NRTN: variants seen among roughly 807,000 people sequenced by gnomAD.
NRTN encodes neurturin.
A neutral mutation model predicts 7.5 loss-of-function variants in NRTN; 3 were observed. That is an observed-to-expected ratio of 0.40 (90% CI 0.18 to 1.03). NRTN has a LOEUF of 1.03. Among genes scored for constraint, NRTN ranks in the 50% least tolerant of loss-of-function variants. The pLI, the probability that NRTN is intolerant of heterozygous loss-of-function variation, is 0.34. For synonymous variants in NRTN, 157 were observed against 146.6 expected, an observed-to-expected ratio of 1.07 and a Z score of -0.51; for missense variants, 310 against 307.0, an observed-to-expected ratio of 1.01 and a Z score of -0.07.
Position 5,828,028 on chromosome 19 carries a change from A to AGCGGCGGCGCCT in NRTN, c.457_468dup (p.Arg153_Arg156dup), listed in dbSNP as rs1327251299. Reference sequence around the variant, plus strand: ...GACCTCGGGCTGCGACGACTGCGCCAGCGGCGGCGCCTGCGGCGGGAGCGG... The same window carrying AGCGGCGGCGCCT: ...GACCTCGGGCTGCGACGACTGCGCCAGCGGCGGCGCCTGCGGCGGCGCCTGCGGCGGGAGCGG... On this transcript the variant is annotated inframe_insertion, in exon 3 of 3. Coordinates refer to ENST00000303212, the MANE Select transcript of NRTN (RefSeq NM_004558.5). 81 of 1,420,296 alleles carry AGCGGCGGCGCCT rather than the reference A, an allele frequency of 5.7e-5. No homozygotes were observed. Among genetic ancestry groups the AGCGGCGGCGCCT allele is most frequent in the Non-Finnish European group, 7.0e-5 (77 of 1,095,580 alleles). The allele number at this position is 1,420,296 out of a possible 1,614,324, so 88.0% of individuals were successfully genotyped here. A position where few individuals can be genotyped will look rare whatever the true frequency, so the allele number is the denominator to read the frequency against.
intron 1 of NRTN, among the ~76,000 whole-genome samples, chr19:5,810,255 G>T (rs1599633928): frequency 7.4e-6 from 1 of 135,446 alleles, no homozygotes; most frequent in Admixed American, 7.7e-5. Context: ...GACAGAGCAA[G>T]ACTCTGTCTC....
At chr19:5,818,416 ATGAG>A (rs1388468660) in intron 1 of NRTN, among the ~76,000 whole-genome samples, 1 of 152,046 alleles carries the variant, frequency 6.6e-6, no homozygotes, top group Non-Finnish European at 1.5e-5. Flanking sequence ...CTGGGTGTGA[ATGAG>A]TGTGAGTGGG....
chr19:5,821,649 G>A (rs150526942), intron 1 of NRTN, among the ~76,000 whole-genome samples: 1 of 91,150 alleles, frequency 1.1e-5, no homozygotes, highest in Non-Finnish European at 2.6e-5. Flanking sequence ...TCATCATTCA[G>A]CAAATGTCTA....
chr19:5,810,548 G>C (rs78998106), intron 1 of NRTN, among the ~76,000 whole-genome samples: 6,387 of 152,122 alleles, frequency 0.042, 258 homozygotes, highest in East Asian at 0.18. Context: ...GTAGAGGAAA[G>C]CACTCATCAC....
intron 1 of NRTN, among the ~76,000 whole-genome samples, chr19:5,810,284 A>AAAT (rs917867861): frequency 1.4e-5 from 2 of 147,512 alleles, no homozygotes; most frequent in Admixed American, 6.7e-5. Context: ...AAAAAAAAAA[A>AAAT]TTTTTTTTTG....
At chr19:5,815,458 G>C (rs1209849328) in intron 1 of NRTN, among the ~76,000 whole-genome samples, 1 of 138,402 alleles carries the variant, frequency 7.2e-6, no homozygotes, top group African/African-American at 2.8e-5. Flanking sequence ...TGGAGACGAA[G>C]TCTCGGTCTG....
intron 1 of NRTN, among the ~76,000 whole-genome samples, chr19:5,813,397 C>T (rs150885946): frequency 0.016 from 2,368 of 151,986 alleles, 28 homozygotes; most frequent in Middle Eastern, 0.054. Context: ...TTTGGCCAGG[C>T]GCGGTGGCTC....
chr19:5,807,110 A>G lies in NRTN; in HGVS notation c.-399+1659A>G, dbSNP rs1347825882. ...AGAGGTGGGGCTGTGAAGGATGAGT[A>G]GGAGTTTTCTAAGTGGGAAAGGAAA... On this transcript the variant is annotated intron_variant, in intron 1 of 2. Coordinates refer to ENST00000303212, the MANE Select transcript of NRTN (RefSeq NM_004558.5). 2.0e-5 allele frequency among the ~76,000 whole-genome samples: 3 copies of G among 152,080 alleles called. No individual in the cohort carries two copies. In the East Asian group the frequency reaches 5.8e-4, roughly 29 times the overall value.
intron 1 of NRTN, among the ~76,000 whole-genome samples, chr19:5,811,457 C>T (rs1451984262): frequency 6.6e-6 from 1 of 152,132 alleles, no homozygotes; most frequent in African/African-American, 2.4e-5. Context: ...ATAGTCCATA[C>T]CTTGATACAA....
chr19:5,820,038 G>A (rs1019893593), intron 1 of NRTN, among the ~76,000 whole-genome samples: 11 of 151,840 alleles, frequency 7.2e-5, no homozygotes, highest in South Asian at 2.1e-4. Context: ...AGGCTGAGGC[G>A]GGTGGATCAC....
At chr19:5,805,624 G>T (rs906058296) in intron 1 of NRTN, among the ~76,000 whole-genome samples, 173 bp downstream of exon 1, 1 of 151,832 alleles carries the variant, frequency 6.6e-6, no homozygotes, top group Admixed American at 6.6e-5. Context: ...ACAGGTCAGC[G>T]CGTGGGGAGG....
chr19:5,809,769 A>C (rs1424774640), intron 1 of NRTN, among the ~76,000 whole-genome samples: 3 of 152,110 alleles, frequency 2.0e-5, no homozygotes, highest in African/African-American at 4.8e-5. Flanking sequence ...GTCTTTAAGA[A>C]AATCTCGTAC....
Position 5,827,144 on chromosome 19 carries a change from G to A in NRTN, c.170-605G>A, listed in dbSNP as rs76829319. Among the ~76,000 whole-genome samples the A allele has an allele frequency of 8.8e-3, 1,338 of 152,244 alleles. 21 individuals carry two copies. Among genetic ancestry groups the A allele is most frequent in the African/African-American group, 0.029 (1,214 of 41,532 alleles). Reference sequence around the variant, plus strand: ...AAACTGAGGCTCCACTGCACAGCGGGGCAGTGGGGATGGAGGGAGTCTGAA... The same window carrying A: ...AAACTGAGGCTCCACTGCACAGCGGAGCAGTGGGGATGGAGGGAGTCTGAA... On this transcript the variant is annotated intron_variant, in intron 2 of 2. Coordinates refer to ENST00000303212, the MANE Select transcript of NRTN (RefSeq NM_004558.5).
In NRTN at chr19:5,825,239, TCCCCA is replaced by T. The variant is rs1301955467; in HGVS notation, c.169+908_169+912del. ...CCTGAGGGCAAGACCCTCGCCCAACTCCCCACCAATCCCTAATGCCTGCCCCACCG... is the reference window on the plus strand; with the variant it reads ...CCTGAGGGCAAGACCCTCGCCCAACTCCAATCCCTAATGCCTGCCCCACCG... On this transcript the variant is annotated intron_variant, in intron 2 of 2. Transcript: ENST00000303212. 1.2e-4 allele frequency among the ~76,000 whole-genome samples: 18 copies of T among 152,150 alleles called. No homozygotes were observed. In the East Asian group the frequency reaches 3.5e-3, roughly 29 times the overall value.
At chr19:5,817,539 AAG>A (rs1342354835) in intron 1 of NRTN, among the ~76,000 whole-genome samples, 9 of 140,032 alleles carry the variant, frequency 6.4e-5, no homozygotes, top group South Asian at 2.6e-4. Flanking sequence ...AAGAAAAAGA[AAG>A]AGAAAGGAAA....
intron 1 of NRTN, among the ~76,000 whole-genome samples, chr19:5,811,933 G>T (rs1034946816): frequency 1.3e-5 from 2 of 151,464 alleles, no homozygotes; most frequent in African/African-American, 4.9e-5. Context: ...ACAGTGGCGC[G>T]ATCTTGGCCC....
rs776091808 is a variant in NRTN, at chr19:5,824,195, C to T, written c.30C>T (p.Ala10=). 31 of 1,611,008 alleles carry T rather than the reference C, an allele frequency of 1.9e-5. No homozygotes were observed. The highest frequency in any genetic ancestry group is 2.5e-5 in the Non-Finnish European group (29 of 1,179,930). Residue 10 remains alanine (A), a synonymous_variant, in exon 2 of 3, where the codon GCC becomes GCT. Coordinates refer to ENST00000303212, the MANE Select transcript of NRTN (RefSeq NM_004558.5). The stretch of plus-strand genomic sequence containing the variant: ...AGCGCTGGAAGGCGGCGGCCTTGGC[C>T]TCAGTGCTCTGCAGCTCCGTGCTGT... MQRWKAAAL[A]SVLCSSVLSI...
At chr19:5,821,294 CTTTTTTTTTT>C (rs33932385) in intron 1 of NRTN, among the ~76,000 whole-genome samples, 2 of 49,130 alleles carry the variant, frequency 4.1e-5, no homozygotes, top group African/African-American at 9.9e-5. Flanking sequence ...CAGTGCCTAG[CTTTTTTTTTT>C]TTTTTTTTTT....
intron 2 of NRTN, among the ~76,000 whole-genome samples, chr19:5,826,082 C>CCGAGAT (rs2057045058): frequency 6.6e-6 from 1 of 151,932 alleles, no homozygotes; most frequent in South Asian, 2.1e-4. Flanking sequence ...TTGCAGTGAG[C>CCGAGAT]CGAGATCGCG....
Sources: gnomAD v4.1 joint callset for allele counts (sites outside exome capture counted in the v4.1 genomes callset) on GRCh38, gnomAD v4.1.1 for gene constraint, MANE v1.5 for transcripts, NCBI Gene and HGNC (gene_info 2026-07-23, HGNC 2026-07-21) for gene names.